Variants in KCNQ5 observed in about 807,000 individuals in gnomAD.
KCNQ5 encodes potassium voltage-gated channel subfamily Q member 5.
KCNQ5 carries 30 observed loss-of-function variants against 98.2 expected under a neutral mutation model. The observed-to-expected ratio is 0.31, with a 90% confidence interval of 0.23 to 0.41. The LOEUF (loss-of-function observed/expected upper bound fraction) is 0.41, where lower values mean the gene tolerates loss of function less well. Ranked by LOEUF, KCNQ5 falls within the 10% of genes least tolerant of loss-of-function variation. The probability of loss-of-function intolerance (pLI) is 1.00; values close to 1 mark genes in which losing one functional copy is unlikely to be tolerated. For missense variants in KCNQ5, 835 were observed against 1,182.5 expected, an observed-to-expected ratio of 0.71 and a Z score of 4.31; for synonymous variants, 458 against 449.4, an observed-to-expected ratio of 1.02 and a Z score of -0.24.
chr6:73,104,738 C>T (rs977463695), intron 5 of KCNQ5, among the ~76,000 whole-genome samples: 1 of 152,148 alleles, frequency 6.6e-6, no homozygotes, highest in Non-Finnish European at 1.5e-5. Context: ...ATACCTCTCT[C>T]ATCCTGTTTT....
At chr6:73,018,999 G>C (rs1297011206) in intron 2 of KCNQ5, among the ~76,000 whole-genome samples, 2 of 152,094 alleles carry the variant, frequency 1.3e-5, no homozygotes, top group African/African-American at 2.4e-5. Flanking sequence ...CACAAACATA[G>C]ATGATGAACA....
chr6:72,686,287 G>A (rs1565079143), intron 1 of KCNQ5, among the ~76,000 whole-genome samples: 1 of 152,116 alleles, frequency 6.6e-6, no homozygotes, highest in African/African-American at 2.4e-5. Context: ...GTAAGACTTT[G>A]AACCTTGCCA....
At position 73,120,362 on chromosome 6, in the gene KCNQ5, G is replaced by C. The variant is rs1047128236; in HGVS notation, c.1126-121G>C. 1.7e-5 allele frequency: 10 copies of C among 604,336 alleles called. No individual in the cohort carries two copies. The African/African-American group carries it at 1.7e-4, about 10-fold the overall frequency. 37.4% of individuals were successfully genotyped at this position (604,336 alleles called of 1,614,324 possible). A position where few individuals can be genotyped will look rare whatever the true frequency, so the allele number is the denominator to read the frequency against. On this transcript the variant is annotated intron_variant, in intron 7 of 13. Coordinates refer to ENST00000370398, the MANE Select transcript of KCNQ5 (RefSeq NM_019842.4). ...TTCTTCCTCCTTTGGGTATTTATCA[G>C]GGCTAAGTATAAGAGGCAAAAGATT...
At chr6:73,119,109 G>A (rs566959914) in intron 7 of KCNQ5, among the ~76,000 whole-genome samples, 5 of 152,332 alleles carry the variant, frequency 3.3e-5, no homozygotes, top group Admixed American at 1.3e-4. Context: ...TCTCTGAGGG[G>A]ACTGGAGTAA....
At chr6:72,856,867 G>A (rs373685043) in intron 1 of KCNQ5, among the ~76,000 whole-genome samples, 7 of 152,316 alleles carry the variant, frequency 4.6e-5, no homozygotes, top group Non-Finnish European at 7.4e-5. Context: ...GTTGTGCTAC[G>A]GTAGAAGAAC....
intron 13 of KCNQ5, among the ~76,000 whole-genome samples, chr6:73,193,335 AAGT>A (rs1352785012): frequency 6.6e-6 from 1 of 151,766 alleles, no homozygotes; most frequent in South Asian, 2.1e-4. Flanking sequence ...CTCCTTTTAA[AAGT>A]AAAACAAGGC....
At chr6:72,885,661 G>A (rs907212025) in intron 1 of KCNQ5, among the ~76,000 whole-genome samples, 4 of 152,142 alleles carry the variant, frequency 2.6e-5, no homozygotes, top group East Asian at 1.9e-4. Flanking sequence ...ATTAAAGAGC[G>A]ATTTTGAATT....
At chr6:73,080,551 T>C (rs1421027209) in intron 5 of KCNQ5, among the ~76,000 whole-genome samples, 1 of 152,164 alleles carries the variant, frequency 6.6e-6, no homozygotes, top group Non-Finnish European at 1.5e-5. Flanking sequence ...ATTTAGACTA[T>C]TATACCTTTT....
At chr6:73,002,458 A>G (rs1419487323) in intron 1 of KCNQ5, among the ~76,000 whole-genome samples, 2 of 152,216 alleles carry the variant, frequency 1.3e-5, no homozygotes, top group Admixed American at 6.5e-5. Context: ...TTTATTCCAT[A>G]AATTTCTGGG....
At chr6:73,068,780 G>C (rs1219698439) in intron 3 of KCNQ5, among the ~76,000 whole-genome samples, 1 of 152,146 alleles carries the variant, frequency 6.6e-6, no homozygotes, top group Non-Finnish European at 1.5e-5. Flanking sequence ...TACTAATAGT[G>C]TTAGGTATGA....
At chr6:72,818,018 A>T (rs1476226603) in intron 1 of KCNQ5, among the ~76,000 whole-genome samples, 4 of 152,164 alleles carry the variant, frequency 2.6e-5, no homozygotes, top group Admixed American at 2.6e-4. Context: ...CCCTTCCATA[A>T]ATCAGTAGGA....
At chr6:72,771,670 G>GTGTGTGTGTT (rs1215545774) in intron 1 of KCNQ5, among the ~76,000 whole-genome samples, 2 of 151,874 alleles carry the variant, frequency 1.3e-5, no homozygotes, top group Non-Finnish European at 2.9e-5. Context: ...GTGTGTGTGT[G>GTGTGTGTGTT]TGTGTGTGTG....
chr6:72,726,264 G>C (rs529423617), intron 1 of KCNQ5, among the ~76,000 whole-genome samples: 1 of 147,742 alleles, frequency 6.8e-6, no homozygotes, highest in East Asian at 2.0e-4. Flanking sequence ...AGGCTGGAGT[G>C]CAGTGGCGCG....
intron 1 of KCNQ5, among the ~76,000 whole-genome samples, chr6:72,697,038 A>G (rs1768540650): frequency 6.6e-6 from 1 of 152,168 alleles, no homozygotes. Context: ...ATATCTTGTC[A>G]TGTTCATCAC....
chr6:72,875,359 T>C (rs1276001160), intron 1 of KCNQ5, among the ~76,000 whole-genome samples: 2 of 152,212 alleles, frequency 1.3e-5, no homozygotes, highest in Non-Finnish European at 1.5e-5. Context: ...TCAACATTCA[T>C]TTCACTTAGA....
Position 72,868,550 on chromosome 6 carries a change from G to A in KCNQ5, c.399-135358G>A, listed in dbSNP as rs548914571. Among the ~76,000 whole-genome samples, 5 of 152,258 alleles carry A rather than the reference G, an allele frequency of 3.3e-5. No individual in the cohort carries two copies. In the South Asian group the frequency reaches 1.0e-3, roughly 32 times the overall value. ...AAGAGTGGACCTAGCTGCAATGGAA[G>A]GAAATGAATTCAGGAGACTGCCATA... On this transcript the variant is annotated intron_variant, in intron 1 of 13. Transcript: ENST00000370398.
At chr6:72,697,671 T>A (rs919575942) in intron 1 of KCNQ5, among the ~76,000 whole-genome samples, 1 of 152,198 alleles carries the variant, frequency 6.6e-6, no homozygotes, top group African/African-American at 2.4e-5. Context: ...AATAAATTAC[T>A]TAGGACATGA....
At chr6:73,037,785 G>A (rs1342080798) in intron 2 of KCNQ5, among the ~76,000 whole-genome samples, 2 of 152,046 alleles carry the variant, frequency 1.3e-5, no homozygotes, top group Admixed American at 1.3e-4. Flanking sequence ...TATAATAGTA[G>A]GCTTTAATAT....
At chr6:72,731,239 A>G (rs1484776188) in intron 1 of KCNQ5, among the ~76,000 whole-genome samples, 1 of 152,178 alleles carries the variant, frequency 6.6e-6, no homozygotes, top group Non-Finnish European at 1.5e-5. Flanking sequence ...TTGTCATCCC[A>G]TCCAAGGAAA....
Sources: gnomAD v4.1 joint callset for allele counts (sites outside exome capture counted in the v4.1 genomes callset) on GRCh38, gnomAD v4.1.1 for gene constraint, MANE v1.5 for transcripts, NCBI Gene and HGNC (gene_info 2026-07-23, HGNC 2026-07-21) for gene names.